ARHGEF2: variants seen among roughly 807,000 people sequenced by gnomAD.
ARHGEF2 encodes the protein Rho/Rac guanine nucleotide exchange factor 2, also known as rho guanine nucleotide exchange factor 2.
ARHGEF2 carries 22 observed loss-of-function variants against 121.0 expected under a neutral mutation model. The observed-to-expected ratio is 0.18, with a 90% confidence interval of 0.13 to 0.26. The LOEUF is 0.26. Among genes scored for constraint, ARHGEF2 ranks in the 10% least tolerant of loss-of-function variants. The probability of loss-of-function intolerance (pLI) is 1.00; values close to 1 mark genes in which losing one functional copy is unlikely to be tolerated. For synonymous variants in ARHGEF2, 487 were observed against 530.0 expected, an observed-to-expected ratio of 0.92 and a Z score of 1.11; for missense variants, 907 against 1,336.0, an observed-to-expected ratio of 0.68 and a Z score of 5.01.
In ARHGEF2 at chr1:155,962,025, C is replaced by A; in HGVS notation, c.1219+80G>T. ...CCCAGGGTTTCACACCCGACCCCAC[C>A]CTTCCTGTGGTCATACCGAGCCTTT... On this transcript the variant is annotated intron_variant, in intron 10 of 21. Coordinates refer to ENST00000361247, the MANE Select transcript of ARHGEF2 (RefSeq NM_001162383.2). This position sits in a 1 kb window ranked among gnomAD's most constrained non-coding sequence, Gnocchi z 5.8. 1 of 1,602,998 alleles carries A rather than the reference C, an allele frequency of 6.2e-7. No individual in the cohort carries two copies. Among genetic ancestry groups the A allele is most frequent in the South Asian group, 1.1e-5 (1 of 90,632 alleles).
intron 14 of ARHGEF2, among the ~76,000 whole-genome samples, chr1:155,953,338 T>C (rs1675913550): frequency 6.6e-6 from 1 of 152,036 alleles, no homozygotes; most frequent in South Asian, 2.1e-4. Context: ...CATCTTCCTT[T>C]AATGAGAAAA....
At chr1:155,969,107 G>A in intron 2 of ARHGEF2, 49 bp downstream of exon 2, 2 of 1,607,180 alleles carry the variant, frequency 1.2e-6, no homozygotes, top group South Asian at 1.1e-5. Context: ...AAAAGATCAG[G>A]GTCAGTGGGC....
At chr1:155,972,350 G>A (rs537363459) in intron 1 of ARHGEF2, 19 of 457,860 alleles carry the variant, frequency 4.1e-5, no homozygotes, top group Admixed American at 1.2e-4. Flanking sequence ...AGCAGCAAGC[G>A]ACCCTGGCAC....
At chr1:155,954,872 T>A (rs765745828) in intron 14 of ARHGEF2, 30 bp downstream of exon 14, 2 of 1,598,136 alleles carry the variant, frequency 1.3e-6, no homozygotes, top group East Asian at 4.5e-5. Context: ...TATTATAAAT[T>A]ACTAAGGAGC....
intron 7 of ARHGEF2, among the ~76,000 whole-genome samples, chr1:155,964,161 AAAAAAAATATATATATATAT>A (rs1175317316): frequency 5.2e-5 from 3 of 57,238 alleles, no homozygotes; most frequent in Non-Finnish European, 6.5e-5. Context: ...AAAAAAAAAA[AAAAAAAATATATATATATAT>A]ATATATATAT....
Position 155,951,427 on chromosome 1 carries a change from C to T in ARHGEF2, c.2259+56G>A. On this transcript the variant is annotated intron_variant, in intron 19 of 21. Coordinates refer to ENST00000361247, the MANE Select transcript of ARHGEF2 (RefSeq NM_001162383.2). This position sits in a 1 kb window ranked among gnomAD's most constrained non-coding sequence, Gnocchi z 5.1. The stretch of plus-strand genomic sequence containing the variant: ...TTGGGATGACCATGCCCCACCTAAA[C>T]AGGCATCTCTAGCCTGGCTCCTCCC... 2 of 1,607,394 alleles carry T rather than the reference C, an allele frequency of 1.2e-6. No homozygotes were observed. The highest frequency in any genetic ancestry group is 1.7e-4 in the Middle Eastern group (1 of 6,046).
chr1:155,970,181 C>T (rs191991399), intron 1 of ARHGEF2: 1 of 985,498 alleles, frequency 1.0e-6, no homozygotes, highest in Non-Finnish European at 1.2e-6. Context: ...CCTAGGAAGT[C>T]CTTTCTGACA....
Position 155,965,145 on chromosome 1 carries a change from G to A in ARHGEF2, c.581-14C>T, listed in dbSNP as rs373660178. The stretch of plus-strand genomic sequence containing the variant: ...AGATTACCTCTGCTGGACATTAGCA[G>A]GGCAAGCAACTCAGAGGTCTTGAGT... On this transcript the variant is annotated splice_polypyrimidine_tract_variant and intron_variant, in intron 6 of 21. Coordinates refer to ENST00000361247, the MANE Select transcript of ARHGEF2 (RefSeq NM_001162383.2). This position sits in a 1 kb window ranked among gnomAD's most constrained non-coding sequence, Gnocchi z 6.0. The A allele has an allele frequency of 3.1e-6, 5 of 1,613,612 alleles. No homozygotes were observed.
In ARHGEF2 at chr1:155,961,521, G is replaced by A. The variant is rs1037847371; in HGVS notation, c.1468+140C>T. ...AATCTCCTGACCTCGTGATCCGCCC[G>A]CCTCGGCCTCCCTAAGTGCTGGGAT... On this transcript the variant is annotated intron_variant, in intron 11 of 21. Transcript: ENST00000361247. The surrounding 1 kb of genome is among the most constrained non-coding windows in gnomAD (Gnocchi z 4.7). 122 of 1,218,082 alleles carry A rather than the reference G, an allele frequency of 1.0e-4. 1 individual carries two copies. Among genetic ancestry groups the A allele is most frequent in the Middle Eastern group, 8.6e-4 (3 of 3,470 alleles). 75.5% of individuals were successfully genotyped at this position (1,218,082 alleles called of 1,614,324 possible).
intron 1 of ARHGEF2, among the ~76,000 whole-genome samples, chr1:155,973,315 C>T (rs1339367126): frequency 6.6e-6 from 1 of 152,134 alleles, no homozygotes; most frequent in Non-Finnish European, 1.5e-5. Flanking sequence ...TCTTTTCTCC[C>T]TCCTCCTGAA....
intron 1 of ARHGEF2, among the ~76,000 whole-genome samples, chr1:155,975,810 C>T (rs1681203675): frequency 6.6e-6 from 1 of 152,064 alleles, no homozygotes; most frequent in Admixed American, 6.6e-5. Flanking sequence ...GAAAAGGACC[C>T]TTTGTTCTAA....
intron 13 of ARHGEF2, among the ~76,000 whole-genome samples, chr1:155,957,351 A>G (rs1486988862): frequency 6.6e-6 from 1 of 152,252 alleles, no homozygotes; most frequent in East Asian, 1.9e-4. Context: ...TTAGAAAAAT[A>G]AATGTAAAAT....
intron 1 of ARHGEF2, among the ~76,000 whole-genome samples, chr1:155,971,579 C>CAAAAAAAAAAAAAAAAAAAAA (rs55942349): frequency 1.1e-5 from 1 of 92,576 alleles, no homozygotes; most frequent in Admixed American, 1.3e-4. Flanking sequence ...GACTATGTCT[C>CAAAAAAAAAAAAAAAAAAAAA]AAAAAAAAAA....
At chr1:155,948,600 C>T (rs751625512) in intron 21 of ARHGEF2, among the ~76,000 whole-genome samples, 1 of 152,096 alleles carries the variant, frequency 6.6e-6, no homozygotes, top group African/African-American at 2.4e-5. Flanking sequence ...CACTACACTC[C>T]AGCCTGGGTG....
rs774172590 is a variant in ARHGEF2 at position 155,951,250 on chromosome 1, G to A, written c.2282C>T (p.Thr761Ile). The A allele has an allele frequency of 3.1e-6, 5 of 1,606,256 alleles. No homozygotes were observed. In the African/African-American group the frequency reaches 6.7e-5, roughly 21 times the overall value. Residue 761 changes from threonine to isoleucine, a missense_variant, in exon 20 of 22, where the codon ACT becomes ATT. By Grantham distance (89) the Thr-to-Ile change is moderately conservative. This residue lies in a region of ARHGEF2 where 432 missense variants were observed against 559.5 expected (regional missense o/e 0.77). Transcript: ENST00000361247. This position sits in a 1 kb window ranked among gnomAD's most constrained non-coding sequence, Gnocchi z 5.1. ...GLQAAVAQQDTLMEARFPEGP... is the reference protein window; with the variant it reads ...GLQAAVAQQDILMEARFPEGP... ...CTCAGGGAACCGGGCTTCCATCAGA[G>A]TGTCCTGCTGGGCCACAGCTGCCTG...
Position 155,954,362 on chromosome 1 carries a change from C to A in ARHGEF2, c.1783+540G>T, listed in dbSNP as rs1000574527. 2.1e-5 allele frequency among the ~76,000 whole-genome samples: 3 copies of A among 142,860 alleles called. No homozygotes were observed. The Admixed American group carries it at 2.3e-4, about 11-fold the overall frequency. 93.7% of individuals were successfully genotyped at this position (142,860 alleles called of 152,430 possible). The stretch of plus-strand genomic sequence containing the variant: ...GCAGTGGCGTGATCTCAGCTCACTG[C>A]AAGCTCCGCCTCCCAGGTTCATGCC... On this transcript the variant is annotated intron_variant, in intron 14 of 21. Transcript: ENST00000361247.
rs758172355 is a variant in ARHGEF2 at position 155,951,738 on chromosome 1, C to T, written c.2208+3G>A. ...TCTCCTATACCATCAATTCCCATCT[C>T]ACCTCTTGCGGTGATCTCAGCTGAT... On this transcript the variant is annotated splice_donor_region_variant and intron_variant, in intron 18 of 21. Transcript: ENST00000361247. The surrounding 1 kb of genome is among the most constrained non-coding windows in gnomAD (Gnocchi z 5.1). 9.9e-6 allele frequency: 16 copies of T among 1,614,124 alleles called. No individual in the cohort carries two copies. The East Asian group carries it at 1.1e-4, about 11-fold the overall frequency.
Position 155,962,729 on chromosome 1 carries a change from G to A in ARHGEF2, c.976-11C>T, listed in dbSNP as rs751060894. The A allele has an allele frequency of 5.6e-6, 9 of 1,614,064 alleles. 1 individual carries two copies. In the South Asian group the frequency reaches 9.9e-5, roughly 18 times the overall value. On this transcript the variant is annotated splice_polypyrimidine_tract_variant and intron_variant, in intron 8 of 21. Transcript: ENST00000361247. This position sits in a 1 kb window ranked among gnomAD's most constrained non-coding sequence, Gnocchi z 5.8. The stretch of plus-strand genomic sequence containing the variant: ...ACTAGGACCTGAGAACTAGAAGTTG[G>A]TCGAGTAAGGTTAGGTCAGCATTCC...
chr1:155,968,916 C>T, intron 2 of ARHGEF2: 1 of 504,650 alleles, frequency 2.0e-6, no homozygotes, highest in South Asian at 2.7e-5. Flanking sequence ...CAAGAGGAGC[C>T]AGCACAGCCT....
Sources: allele counts gnomAD v4.1 joint callset (sites outside exome capture counted in the v4.1 genomes callset), GRCh38; gene constraint gnomAD v4.1.1; regional missense constraint gnomAD v4.1.1; non-coding constraint Gnocchi (gnomAD v3.1); transcripts MANE v1.5; gene names NCBI Gene and HGNC (gene_info 2026-07-23, HGNC 2026-07-21).